Variants in ZBTB17 observed in about 807,000 individuals in gnomAD.
The protein encoded by ZBTB17 is zinc finger and BTB domain containing 17.
A neutral mutation model predicts 85.1 loss-of-function variants in ZBTB17; 24 were observed. The observed-to-expected ratio is 0.28, with a 90% confidence interval of 0.20 to 0.40. The LOEUF (loss-of-function observed/expected upper bound fraction) is 0.40. ZBTB17 is among the 10% of genes least tolerant of loss of function. The pLI is 1.00. For synonymous variants in ZBTB17, 464 were observed against 460.2 expected (o/e 1.01, Z -0.11); for missense variants, 743 against 1,105.1 (o/e 0.67, Z 4.65).
At chr1:15,957,923 G>C (rs1242546558) in intron 2 of ZBTB17, among the ~76,000 whole-genome samples, 1 of 152,146 alleles carries the variant, frequency 6.6e-6, no homozygotes, top group Non-Finnish European at 1.5e-5. Flanking sequence ...TCAGAGTTCT[G>C]TTCTGGCCAA....
At chr1:15,960,235 C>T (rs1386252400) in intron 2 of ZBTB17, among the ~76,000 whole-genome samples, 1 of 152,184 alleles carries the variant, frequency 6.6e-6, no homozygotes, top group Non-Finnish European at 1.5e-5. Flanking sequence ...TGCACAATCT[C>T]TGCAGGCACA....
In ZBTB17 at chr1:15,943,074, G is replaced by C; in HGVS notation, c.1818C>G (p.Ile606Met). 4.3e-6 allele frequency: 7 copies of C among 1,614,136 alleles called. No homozygotes were observed. The highest frequency in any genetic ancestry group is 5.9e-6 in the Non-Finnish European group (7 of 1,179,994). Reference sequence around the variant, plus strand: ...GGGGCCACAGCTCACCAGTGTGAATGATGATGTGCTTGGACAGGTCCCCCA... The same window carrying C: ...GGGGCCACAGCTCACCAGTGTGAATCATGATGTGCTTGGACAGGTCCCCCA... ...VNVGDLSKHI[I>M]IHTGEKPYLC... is the part of the protein sequence containing the mutation. Residue 606 changes from isoleucine (I) to methionine (M), a missense_variant, in exon 13 of 16, where the codon ATC (isoleucine) becomes ATG (methionine). Physicochemically the swap from Ile to Met is conservative, Grantham distance 10 (BLOSUM62 1). This residue lies in a region of ZBTB17 where 321 missense variants were observed against 615.7 expected (regional missense o/e 0.52). Coordinates refer to ENST00000375743, the MANE Select transcript of ZBTB17 (RefSeq NM_003443.3).
At chr1:15,967,530 GT>G (rs1266234676) in intron 2 of ZBTB17, among the ~76,000 whole-genome samples, 1 of 151,048 alleles carries the variant, frequency 6.6e-6, no homozygotes, top group Non-Finnish European at 1.5e-5. Flanking sequence ...AAAAAAAAAA[GT>G]TTCCTGGGAG....
chr1:15,969,913 C>A, intron 2 of ZBTB17: 1 of 641,130 alleles, frequency 1.6e-6, no homozygotes, highest in South Asian at 1.5e-5. Context: ...ACTCTGGAGT[C>A]AGGTGTGAAT....
At position 15,952,756 on chromosome 1, in the gene ZBTB17, G is replaced by C. The variant is rs990192159; in HGVS notation, c.-2-4259C>G. Among the ~76,000 whole-genome samples, 1 of 152,228 alleles carries C rather than the reference G, an allele frequency of 6.6e-6. No homozygotes were observed. On this transcript the variant is annotated intron_variant, in intron 2 of 15. Transcript: ENST00000375743. This position sits in a 1 kb window ranked among gnomAD's most constrained non-coding sequence, Gnocchi z 4.3. Reference sequence around the variant, plus strand: ...GAGAGGGCACATGGAGAAGAGCAGAGAGGCCACTGACAGCACCAATGCTCT... The same window carrying C: ...GAGAGGGCACATGGAGAAGAGCAGACAGGCCACTGACAGCACCAATGCTCT...
intron 2 of ZBTB17, among the ~76,000 whole-genome samples, chr1:15,954,852 A>T (rs1237826882): frequency 6.6e-6 from 1 of 151,832 alleles, no homozygotes; most frequent in Non-Finnish European, 1.5e-5. Context: ...CCTATCTCAA[A>T]AAAACAAATA....
Position 15,948,411 on chromosome 1 carries a change from C to G in ZBTB17, c.85G>C (p.Val29Leu). The change falls in exon 3 of 16, where the codon GTG becomes CTG. Residue 29 changes from valine (V) to leucine (L), a missense_variant. By Grantham distance (32) the Val-to-Leu change is conservative. Coordinates refer to ENST00000375743, the MANE Select transcript of ZBTB17 (RefSeq NM_003443.3). ...QLGLLCDCTF[V>L]VDGVHFKAHK... ...GCCTTAAAGTGAACACCGTCCACCA[C>G]AAAGGTGCAGTCACAGAGAAGCCCC... is the stretch of plus-strand genomic sequence containing the variant. The G allele has an allele frequency of 6.2e-7, 1 of 1,614,044 alleles. No homozygotes were observed. The highest frequency in any genetic ancestry group is 8.5e-7 in the Non-Finnish European group (1 of 1,180,046).
In ZBTB17 at chr1:15,942,022, C is replaced by T. The variant is rs779748204; in HGVS notation, c.2359G>A (p.Ala787Thr). 12 of 1,607,976 alleles carry T rather than the reference C, an allele frequency of 7.5e-6. No homozygotes were observed. The highest frequency in any genetic ancestry group is 6.7e-5 in the African/African-American group (5 of 74,932). The change falls in exon 16 of 16, where the codon GCA becomes ACA. Residue 787 changes from alanine (A) to threonine (T), a missense_variant. By Grantham distance (58) the Ala-to-Thr change is moderately conservative (BLOSUM62 0). Around this residue, in one of 4 missense-constraint regions of ZBTB17, gnomAD observed 69 missense variants for 77.0 expected, o/e 0.90. Transcript: ENST00000375743. Reference protein sequence around the residue: ...RPRDGAEGQPALAETSPTAPE... With the variant: ...RPRDGAEGQPTLAETSPTAPE... Reference sequence around the variant, plus strand: ...GCTGTAGGGGAGGTCTCTGCCAGTGCGGGCTGGCCCTCAGCCCCGTCGCGA... The same window carrying T: ...GCTGTAGGGGAGGTCTCTGCCAGTGTGGGCTGGCCCTCAGCCCCGTCGCGA...
chr1:15,963,048 AG>A (rs1210568940), intron 2 of ZBTB17, among the ~76,000 whole-genome samples: 1 of 152,238 alleles, frequency 6.6e-6, no homozygotes, highest in African/African-American at 2.4e-5. Flanking sequence ...AGATTGCTTG[AG>A]CCCCAGAGTT....
Position 15,947,093 on chromosome 1 carries a change from G to A in ZBTB17, c.236C>T (p.Thr79Met), listed in dbSNP as rs2071641064. The change falls in exon 4 of 16, where the codon ACG becomes ATG. Residue 79 changes from threonine (T) to methionine (M), a missense_variant. Physicochemically the swap from Thr to Met is moderately conservative, Grantham distance 81. Transcript: ENST00000375743. Reference protein sequence around the residue: ...GLGQVLEFMYTAKLSLSPENV... With the variant: ...GLGQVLEFMYMAKLSLSPENV... ...CTCAGGGCTCAGGCTCAGCTTGGCC[G>A]TGTACATAAACTCCAGCACCTGCCC... 10 of 1,613,380 alleles carry A rather than the reference G, an allele frequency of 6.2e-6. No homozygotes were observed. The highest frequency in any genetic ancestry group is 8.5e-6 in the Non-Finnish European group (10 of 1,179,628).
At chr1:15,948,177 A>T in intron 3 of ZBTB17, 114 bp downstream of exon 3, 1 of 1,234,668 alleles carries the variant, frequency 8.1e-7, no homozygotes, top group Non-Finnish European at 1.2e-6. Context: ...CCTGTGCGGG[A>T]GGCCTGTTGC....
chr1:15,963,944 CA>C (rs879787456), intron 2 of ZBTB17, among the ~76,000 whole-genome samples: 198 of 137,904 alleles, frequency 1.4e-3, no homozygotes, highest in Non-Finnish European at 1.4e-3. Flanking sequence ...CTGTCTTTAC[CA>C]AAAAAAAAAA....
chr1:15,970,164 A>G, intron 2 of ZBTB17: 1 of 547,548 alleles, frequency 1.8e-6, no homozygotes. Flanking sequence ...TTACAATAGT[A>G]GGACTTCTAT....
chr1:15,946,901 G>T (rs1228255178), intron 4 of ZBTB17, 34 bp downstream of exon 4: 1 of 1,585,248 alleles, frequency 6.3e-7, no homozygotes, highest in South Asian at 1.1e-5. Context: ...AAGGTCTCTG[G>T]CCATCTGCTT....
intron 13 of ZBTB17, 50 bp from the exon 14 acceptor site, chr1:15,942,788 TG>T: frequency 6.3e-7 from 1 of 1,596,030 alleles, no homozygotes; most frequent in Non-Finnish European, 8.6e-7. Context: ...GCCGCAGGGA[TG>T]GGGTGGGAGG....
rs2071595404 is a variant in ZBTB17, at chr1:15,946,066, A to G, written c.535+88T>C. 8 of 1,593,696 alleles carry G rather than the reference A, an allele frequency of 5.0e-6. No individual in the cohort carries two copies. In the East Asian group the frequency reaches 1.6e-4, roughly 31 times the overall value. On this transcript the variant is annotated intron_variant, in intron 5 of 15. Coordinates refer to ENST00000375743, the MANE Select transcript of ZBTB17 (RefSeq NM_003443.3). ...CTCAAGAGGTGCAGGTGCCCGTGCT[A>G]CCTGCCCCAAGGCAGCCCTCACTAC...
rs368921736 is a variant in ZBTB17, at chr1:15,945,063, C to T, written c.801G>A (p.Glu267=). ...AGTCTGTGCCCGCTGACTCCTCATT[C>T]TCGTTCTCCTCGGGGGCCTCTCCGT... ...LENGEAPEEN[E]NEESAGTDSG... is the part of the protein sequence containing the mutation. The change falls in exon 7 of 16, where the codon GAG becomes GAA. Residue 267 remains glutamate (E), a synonymous_variant. Transcript: ENST00000375743. 2.5e-5 allele frequency: 41 copies of T among 1,611,516 alleles called. No homozygotes were observed. In the African/African-American group the frequency reaches 5.1e-4, roughly 20 times the overall value.
intron 2 of ZBTB17, among the ~76,000 whole-genome samples, chr1:15,955,854 G>A (rs1457562006): frequency 1.3e-5 from 2 of 152,200 alleles, no homozygotes; most frequent in Non-Finnish European, 2.9e-5. Flanking sequence ...TCCAGCCTAG[G>A]TGACAGAGGG....
chr1:15,967,087 C>A (rs2072467650), intron 2 of ZBTB17, among the ~76,000 whole-genome samples: 1 of 152,040 alleles, frequency 6.6e-6, no homozygotes, highest in Non-Finnish European at 1.5e-5. Context: ...CAATGGGTCA[C>A]CCCACAGGAC....
Sources: gnomAD v4.1 joint callset for allele counts (sites outside exome capture counted in the v4.1 genomes callset) on GRCh38, gnomAD v4.1.1 for gene constraint, gnomAD v4.1.1 regional missense constraint, Gnocchi (gnomAD v3.1) non-coding constraint, MANE v1.5 for transcripts, NCBI Gene and HGNC (gene_info 2026-07-23, HGNC 2026-07-21) for gene names.